SMAD9: variants seen among roughly 807,000 people sequenced by gnomAD.
SMAD9 encodes the protein MAD homolog 9.
SMAD9 carries 36 observed loss-of-function variants against 46.1 expected under a neutral mutation model. The observed-to-expected ratio is 0.78, with a 90% CI of 0.60 to 1.03. SMAD9 has a LOEUF of 1.03. SMAD9 is among the 50% of genes least tolerant of loss of function. The pLI, the probability that SMAD9 is intolerant of heterozygous loss-of-function variation, is 0.00. For missense variants in SMAD9, 572 were observed against 599.8 expected, an observed-to-expected ratio of 0.95 and a Z score of 0.48; for synonymous variants, 245 against 237.1, an observed-to-expected ratio of 1.03 and a Z score of -0.31.
intron 5 of SMAD9, among the ~76,000 whole-genome samples, chr13:36,863,376 G>A (rs1251330541): frequency 6.6e-6 from 1 of 152,220 alleles, no homozygotes; most frequent in Non-Finnish European, 1.5e-5. Flanking sequence ...CCATGTGACA[G>A]TGAGTACCCT....
chr13:36,890,527 A>G (rs1267620228), intron 1 of SMAD9, among the ~76,000 whole-genome samples: 8 of 152,232 alleles, frequency 5.3e-5, no homozygotes, highest in Non-Finnish European at 1.2e-4. Flanking sequence ...CAGAAAACAG[A>G]TAAATTGTAT....
chr13:36,899,060 A>G (rs2058552913), intron 1 of SMAD9, among the ~76,000 whole-genome samples: 1 of 150,110 alleles, frequency 6.7e-6, no homozygotes, highest in African/African-American at 2.5e-5. Context: ...TGTTGAAACT[A>G]ATTAGTGAAT....
upstream of SMAD9, chr13:36,920,615 G>C (rs1295512588): frequency 6.6e-6 from 1 of 152,166 alleles, no homozygotes; most frequent in Non-Finnish European, 1.5e-5. Flanking sequence ...GTCGCCTCGC[G>C]TCTCTCTCTC....
At chr13:36,872,623 C>T (rs2058305558) in intron 3 of SMAD9, 35 bp downstream of exon 3, 1 of 1,611,570 alleles carries the variant, frequency 6.2e-7, no homozygotes, top group African/African-American at 1.3e-5. Flanking sequence ...GGCTTATTTT[C>T]CCGTATTTCC....
chr13:36,920,272 G>C (rs536916022), upstream of SMAD9: 1 of 149,436 alleles, frequency 6.7e-6, no homozygotes, highest in South Asian at 1.8e-4. Context: ...GTATTAGTGC[G>C]CCGACCTGGA....
chr13:36,881,936 G>A (rs1000740316), intron 1 of SMAD9, among the ~76,000 whole-genome samples: 4 of 152,188 alleles, frequency 2.6e-5, no homozygotes, highest in African/African-American at 7.2e-5. Context: ...TCTTTAAGCT[G>A]AGGTCAGTCA....
At chr13:36,883,956 C>T (rs915298812) in intron 1 of SMAD9, among the ~76,000 whole-genome samples, 4 of 152,106 alleles carry the variant, frequency 2.6e-5, no homozygotes, top group Non-Finnish European at 4.4e-5. Context: ...AAGGCTCAGT[C>T]TCCAGGGAAG....
chr13:36,876,944 T>C (rs568659109), intron 2 of SMAD9, among the ~76,000 whole-genome samples: 1 of 152,320 alleles, frequency 6.6e-6, no homozygotes, highest in East Asian at 1.9e-4. Flanking sequence ...AAATATTACC[T>C]TAAATTAATA....
At chr13:36,862,985 G>A (rs983492253) in intron 5 of SMAD9, among the ~76,000 whole-genome samples, 1 of 152,168 alleles carries the variant, frequency 6.6e-6, no homozygotes, top group African/African-American at 2.4e-5. Context: ...CATCCCTCGT[G>A]TCCAGTCTGG....
chr13:36,877,935 G>A (rs2058361499), intron 2 of SMAD9, among the ~76,000 whole-genome samples: 1 of 152,112 alleles, frequency 6.6e-6, no homozygotes, highest in South Asian at 2.1e-4. Flanking sequence ...CTGGACATGG[G>A]CAATTTCCCT....
intron 1 of SMAD9, among the ~76,000 whole-genome samples, chr13:36,914,995 G>C (rs909578303): frequency 5.9e-5 from 9 of 152,192 alleles, no homozygotes; most frequent in Non-Finnish European, 1.2e-4. Flanking sequence ...GTATTTGATA[G>C]GCTTCTAAGC....
intron 5 of SMAD9, among the ~76,000 whole-genome samples, chr13:36,856,245 G>A (rs1215319404): frequency 6.6e-6 from 1 of 152,194 alleles, no homozygotes; most frequent in African/African-American, 2.4e-5. Flanking sequence ...GGGCCAGAGT[G>A]GAGCTGCTAA....
chr13:36,875,119 G>A (rs940683733), intron 2 of SMAD9, among the ~76,000 whole-genome samples: 1 of 151,794 alleles, frequency 6.6e-6, no homozygotes, highest in African/African-American at 2.4e-5. Flanking sequence ...GACAGATCTT[G>A]GTTCTAATCA....
rs972021942 is a variant in SMAD9, at chr13:36,847,973, A to G, written c.*703T>C. ...CTTGCAATCTGGGAAACAGCATTTC[A>G]TGCTATTTTCATATTTATTTTCCCA... On this transcript the variant is annotated 3_prime_UTR_variant, in exon 7 of 7. Coordinates refer to ENST00000379826, the MANE Select transcript of SMAD9 (RefSeq NM_001127217.3). The G allele has an allele frequency of 8.5e-5, 13 of 152,238 alleles. No individual in the cohort carries two copies. Among genetic ancestry groups the G allele is most frequent in the African/African-American group, 3.1e-4 (13 of 41,456 alleles). The allele number at this position is 152,238 out of a possible 1,614,324, so 9.4% of individuals were successfully genotyped here. A position where few individuals can be genotyped will look rare whatever the true frequency, so the allele number is the denominator to read the frequency against.
intron 3 of SMAD9, among the ~76,000 whole-genome samples, chr13:36,871,128 A>C (rs550429534): frequency 6.6e-6 from 1 of 152,344 alleles, no homozygotes; most frequent in South Asian, 2.1e-4. Flanking sequence ...CACCTCTAGC[A>C]CTGGCCCAGT....
intron 6 of SMAD9, among the ~76,000 whole-genome samples, chr13:36,852,680 C>T (rs2058084596): frequency 6.6e-6 from 1 of 152,148 alleles, no homozygotes; most frequent in South Asian, 2.1e-4. Context: ...ATTTTTGTAG[C>T]TTATTCATAA....
At chr13:36,876,841 C>T (rs896706086) in intron 2 of SMAD9, among the ~76,000 whole-genome samples, 4 of 151,780 alleles carry the variant, frequency 2.6e-5, no homozygotes, top group Non-Finnish European at 4.4e-5. Context: ...TTTATTATTC[C>T]TAAAATATTT....
intron 1 of SMAD9, among the ~76,000 whole-genome samples, chr13:36,915,221 C>A (rs1409900890): frequency 1.3e-5 from 2 of 152,086 alleles, no homozygotes; most frequent in African/African-American, 4.8e-5. Context: ...GTCACCAACA[C>A]GTTTGAATGG....
chr13:36,882,053 TC>T (rs1441226393), intron 1 of SMAD9, among the ~76,000 whole-genome samples: 1 of 152,228 alleles, frequency 6.6e-6, no homozygotes, highest in Non-Finnish European at 1.5e-5. Context: ...TTTGTTTGGT[TC>T]GTTTTTTTAA....
Sources: allele counts gnomAD v4.1 joint callset (sites outside exome capture counted in the v4.1 genomes callset), GRCh38; gene constraint gnomAD v4.1.1; transcripts MANE v1.5; gene names NCBI Gene and HGNC (gene_info 2026-07-23, HGNC 2026-07-21).